Variants in OPCML observed in about 807,000 individuals in gnomAD.
The protein encoded by OPCML is opioid-binding protein/cell adhesion molecule.
OPCML carries 13 observed loss-of-function variants against 37.8 expected under a neutral mutation model. That is an observed-to-expected ratio of 0.34 (90% CI 0.22 to 0.55). The LOEUF is 0.55. Ranked by LOEUF, OPCML falls within the 20% of genes least tolerant of loss-of-function variation. The pLI is 0.91. For synonymous variants in OPCML, 176 were observed against 168.8 expected, an observed-to-expected ratio of 1.04 and a Z score of -0.33; for missense variants, 341 against 435.6, an observed-to-expected ratio of 0.78 and a Z score of 1.93.
chr11:133,432,836 G>A (rs901849741), intron 1 of OPCML, among the ~76,000 whole-genome samples: 4 of 152,042 alleles, frequency 2.6e-5, no homozygotes, highest in African/African-American at 9.7e-5. Context: ...ACAGCTGTTC[G>A]TTATATACCA....
At chr11:132,423,376 G>A (rs1032993579) in intron 7 of OPCML, among the ~76,000 whole-genome samples, 5 of 152,208 alleles carry the variant, frequency 3.3e-5, no homozygotes, top group African/African-American at 7.2e-5. Context: ...AATCCACTAC[G>A]ATACACAGTG....
chr11:133,175,484 G>GAAAAAAAAAAAAAAA (rs5795829), intron 1 of OPCML, among the ~76,000 whole-genome samples: 1 of 137,612 alleles, frequency 7.3e-6, no homozygotes. Flanking sequence ...GAGAAAAATA[G>GAAAAAAAAAAAAAAA]AAAAAAAAAA....
intron 1 of OPCML, among the ~76,000 whole-genome samples, chr11:133,439,597 G>A (rs902723530): frequency 2.4e-4 from 36 of 151,900 alleles, no homozygotes; most frequent in Admixed American, 1.5e-3. Context: ...CCTCCCGAGT[G>A]GCTGGGACTA....
intron 1 of OPCML, among the ~76,000 whole-genome samples, chr11:133,493,035 C>T (rs1229843027): frequency 5.3e-5 from 8 of 152,168 alleles, no homozygotes; most frequent in Non-Finnish European, 1.0e-4. Context: ...GTCAGTCCTT[C>T]GGAGCCCAGT....
chr11:133,092,651 G>A (rs917711337), intron 1 of OPCML, among the ~76,000 whole-genome samples: 5 of 152,054 alleles, frequency 3.3e-5, no homozygotes, highest in East Asian at 3.9e-4. Context: ...ACTTGAACCC[G>A]GGAGGCGGAG....
At chr11:133,195,441 G>A (rs569783999) in intron 1 of OPCML, among the ~76,000 whole-genome samples, 16 of 152,208 alleles carry the variant, frequency 1.1e-4, no homozygotes, top group African/African-American at 2.2e-4. Context: ...TTGTCCTTGC[G>A]GAACCTCATT....
At chr11:132,512,282 G>T (rs960173349) in intron 4 of OPCML, among the ~76,000 whole-genome samples, 1 of 152,022 alleles carries the variant, frequency 6.6e-6, no homozygotes, top group Non-Finnish European at 1.5e-5. Context: ...AACCATTTTG[G>T]AAAATAGTTT....
At chr11:132,866,480 T>C (rs1942560055) in intron 2 of OPCML, among the ~76,000 whole-genome samples, 1 of 152,234 alleles carries the variant, frequency 6.6e-6, no homozygotes, top group South Asian at 2.1e-4. Context: ...CTGGAAGTCT[T>C]GTTAGTTTTT....
At chr11:133,285,488 A>G (rs61912375) in intron 1 of OPCML, among the ~76,000 whole-genome samples, 33,669 of 152,112 alleles carry the variant, frequency 0.22, 4,054 homozygotes, top group South Asian at 0.34. Context: ...GTGATCCATT[A>G]TAATGCTTCA....
At chr11:132,732,572 A>T (rs1945114690) in intron 2 of OPCML, among the ~76,000 whole-genome samples, 1 of 152,150 alleles carries the variant, frequency 6.6e-6, no homozygotes. Context: ...GATGATAAAG[A>T]TGAATTCTCA....
chr11:132,699,126 T>C (rs1007184031), intron 2 of OPCML, among the ~76,000 whole-genome samples: 1 of 152,042 alleles, frequency 6.6e-6, no homozygotes, highest in Non-Finnish European at 1.5e-5. Flanking sequence ...CTATTGTAAA[T>C]GGGACTGTTG....
At chr11:132,958,119 C>G (rs1946009027) in intron 1 of OPCML, among the ~76,000 whole-genome samples, 1 of 152,164 alleles carries the variant, frequency 6.6e-6, no homozygotes, top group South Asian at 2.1e-4. Flanking sequence ...AGGAAAATTC[C>G]TGAAGGAAAT....
intron 3 of OPCML, among the ~76,000 whole-genome samples, chr11:132,624,243 T>C (rs1481645803): frequency 6.6e-6 from 1 of 152,150 alleles, no homozygotes; most frequent in African/African-American, 2.4e-5. Flanking sequence ...CAGGCTCAAG[T>C]GTTTATGAGA....
intron 1 of OPCML, among the ~76,000 whole-genome samples, chr11:133,259,000 T>G (rs983335628): frequency 6.6e-6 from 1 of 152,168 alleles, no homozygotes; most frequent in Non-Finnish European, 1.5e-5. Context: ...AACTAAAAAT[T>G]AAATTAAATC....
chr11:132,675,637 A>G (rs534002788), intron 2 of OPCML, among the ~76,000 whole-genome samples: 5 of 152,196 alleles, frequency 3.3e-5, no homozygotes, highest in African/African-American at 7.2e-5. Flanking sequence ...CTGTGTTTCT[A>G]TACATTAGCA....
At position 133,173,800 on chromosome 11, in the gene OPCML, C is replaced by T. The variant is rs1013577813; in HGVS notation, c.62-230790G>A. ...TTCTCTTTTTCCCCATCCCAGCTTC[C>T]ATAGCAATACGACAGAGCCTAAAGA... is the stretch of plus-strand genomic sequence containing the variant. On this transcript the variant is annotated intron_variant, in intron 1 of 7. Transcript: ENST00000524381. This position sits in a 1 kb window ranked among gnomAD's most constrained non-coding sequence, Gnocchi z 7.8. Among the ~76,000 whole-genome samples the T allele has an allele frequency of 2.0e-5, 3 of 152,154 alleles. No individual in the cohort carries two copies. The highest frequency in any genetic ancestry group is 7.2e-5 in the African/African-American group (3 of 41,438).
Position 133,177,768 on chromosome 11 carries a change from C to G in OPCML, c.62-234758G>C, listed in dbSNP as rs946326600. Among the ~76,000 whole-genome samples, 2 of 152,070 alleles carry G rather than the reference C, an allele frequency of 1.3e-5. No homozygotes were observed. Among genetic ancestry groups the G allele is most frequent in the Non-Finnish European group, 2.9e-5 (2 of 68,008 alleles). ...AAATGTGGAATCTCATGGAATCGGC[C>G]CCACACACTCACCGAAATGGCTCCA... On this transcript the variant is annotated intron_variant, in intron 1 of 7. Transcript: ENST00000524381. The surrounding 1 kb of genome is among the most constrained non-coding windows in gnomAD (Gnocchi z 5.0).
intron 1 of OPCML, chr11:133,005,591 C>G (rs1403367823): frequency 3.0e-6 from 3 of 985,174 alleles, no homozygotes; most frequent in Middle Eastern, 5.2e-4. Flanking sequence ...TCCTTAGGGA[C>G]TACAGATGTT....
chr11:133,445,840 T>C (rs981339089), intron 1 of OPCML, among the ~76,000 whole-genome samples: 1 of 151,962 alleles, frequency 6.6e-6, no homozygotes, highest in Non-Finnish European at 1.5e-5. Context: ...CAAGCAGGGA[T>C]TTAAATGCAA....
Sources: allele counts gnomAD v4.1 joint callset (sites outside exome capture counted in the v4.1 genomes callset), GRCh38; gene constraint gnomAD v4.1.1; non-coding constraint Gnocchi (gnomAD v3.1); transcripts MANE v1.5; gene names NCBI Gene and HGNC (gene_info 2026-07-23, HGNC 2026-07-21).